The following NETO1 variants were observed in gnomAD, a reference collection of about 807,000 sequenced individuals.
The protein encoded by NETO1 is neuropilin and tolloid-like protein 1.
Under a neutral mutation model 61.3 loss-of-function variants are expected in NETO1, and 26 were observed. That is an observed-to-expected ratio of 0.42 (90% CI 0.31 to 0.59). The LOEUF is 0.59. NETO1 is among the 20% of genes least tolerant of loss of function. The pLI is 0.12. For synonymous variants in NETO1, 225 were observed against 225.8 expected, an observed-to-expected ratio of 1.00 and a Z score of 0.03; for missense variants, 531 against 662.8, an observed-to-expected ratio of 0.80 and a Z score of 2.18.
At chr18:72,826,662 T>A (rs1342968151) in intron 4 of NETO1, among the ~76,000 whole-genome samples, 1 of 152,222 alleles carries the variant, frequency 6.6e-6, no homozygotes, top group Non-Finnish European at 1.5e-5. Context: ...AGGTTCACTG[T>A]GTGCTGGTGA....
intron 9 of NETO1, 75 bp from the exon 10 acceptor site, chr18:72,749,163 A>G: frequency 1.1e-6 from 1 of 910,070 alleles, no homozygotes. Context: ...ATTTACTCAA[A>G]AGCATTTTTA....
chr18:72,775,779 T>C (rs919507384), intron 7 of NETO1, among the ~76,000 whole-genome samples: 1 of 152,174 alleles, frequency 6.6e-6, no homozygotes, highest in Non-Finnish European at 1.5e-5. Flanking sequence ...AATTCTTGCC[T>C]CAGTTCTGTT....
At chr18:72,752,940 G>A (rs1165577171) in intron 8 of NETO1, among the ~76,000 whole-genome samples, 1 of 151,992 alleles carries the variant, frequency 6.6e-6, no homozygotes, top group Admixed American at 6.6e-5. Context: ...TAAAGACAGA[G>A]GCATGCGAAT....
At chr18:72,838,657 T>C (rs6566668) in intron 4 of NETO1, among the ~76,000 whole-genome samples, 146,192 of 152,234 alleles carry the variant, frequency 0.96, 70,284 homozygotes, top group Non-Finnish European at 0.99. Context: ...TGAACTCTCT[T>C]GTTGCACTGT....
rs1412013789 is a variant in NETO1, at chr18:72,830,492, T to C, written c.469+28334A>G. The stretch of plus-strand genomic sequence containing the variant: ...AAGGAGTCCAAAAAACAAACACAAA[T>C]GACAAAAATAACAATGATCATAAGG... On this transcript the variant is annotated intron_variant, in intron 4 of 10. Transcript: ENST00000327305. This position sits in a 1 kb window ranked among gnomAD's most constrained non-coding sequence, Gnocchi z 4.9. Among the ~76,000 whole-genome samples, 1 of 151,966 alleles carries C rather than the reference T, an allele frequency of 6.6e-6. No homozygotes were observed. The highest frequency in any genetic ancestry group is 2.4e-5 in the African/African-American group (1 of 41,392).
chr18:72,789,450 T>C (rs147236285), intron 6 of NETO1, among the ~76,000 whole-genome samples: 50 of 152,332 alleles, frequency 3.3e-4, no homozygotes, highest in African/African-American at 1.1e-3. Context: ...TCAAATTTTA[T>C]TCTTACTTTT....
At chr18:72,806,259 G>C (rs2072671431) in intron 4 of NETO1, among the ~76,000 whole-genome samples, 1 of 152,206 alleles carries the variant, frequency 6.6e-6, no homozygotes, top group East Asian at 1.9e-4. Context: ...TTGGGTGTGG[G>C]AAGTGAAGGA....
chr18:72,791,357 T>C (rs1019782447), intron 6 of NETO1, among the ~76,000 whole-genome samples: 1 of 152,336 alleles, frequency 6.6e-6, no homozygotes, highest in Admixed American at 6.5e-5. Flanking sequence ...GTTTAACTTG[T>C]GCTTTGATAG....
chr18:72,787,657 G>T (rs540954404), intron 6 of NETO1, among the ~76,000 whole-genome samples: 16 of 152,274 alleles, frequency 1.1e-4, no homozygotes, highest in Admixed American at 3.9e-4. Context: ...ATAGATACTT[G>T]TTATAATCAT....
intron 4 of NETO1, among the ~76,000 whole-genome samples, chr18:72,858,352 C>T (rs983292116): frequency 2.6e-5 from 4 of 152,110 alleles, no homozygotes; most frequent in African/African-American, 9.7e-5. Flanking sequence ...AATTTGCTTT[C>T]CTGAAAAGAG....
At chr18:72,866,407 T>C (rs1324212422) in intron 1 of NETO1, among the ~76,000 whole-genome samples, 2 of 152,198 alleles carry the variant, frequency 1.3e-5, no homozygotes, top group Non-Finnish European at 2.9e-5. Flanking sequence ...GCTGCTGTTG[T>C]TACTGTGTGT....
intron 4 of NETO1, chr18:72,834,632 A>C: frequency 1.0e-6 from 1 of 983,806 alleles, no homozygotes; most frequent in Non-Finnish European, 1.2e-6. Flanking sequence ...TATGTTTATA[A>C]TTACTTAATT....
chr18:72,861,860 T>C (rs2074582214), intron 3 of NETO1, among the ~76,000 whole-genome samples: 1 of 152,202 alleles, frequency 6.6e-6, no homozygotes, highest in African/African-American at 2.4e-5. Flanking sequence ...ACTATGCCAA[T>C]GGGAGTGCTC....
chr18:72,776,453 G>T (rs775274301), intron 7 of NETO1, among the ~76,000 whole-genome samples: 17 of 152,262 alleles, frequency 1.1e-4, no homozygotes, highest in Non-Finnish European at 2.1e-4. Context: ...CATGCTCTTA[G>T]TCCATTTGCG....
chr18:72,776,095 GAGA>G (rs2071537247), intron 7 of NETO1, among the ~76,000 whole-genome samples: 1 of 152,192 alleles, frequency 6.6e-6, no homozygotes, highest in Non-Finnish European at 1.5e-5. Flanking sequence ...TCTACAGGCT[GAGA>G]AGTTCAAGGG....
chr18:72,848,386 C>A (rs901348225), intron 4 of NETO1, among the ~76,000 whole-genome samples: 1 of 152,058 alleles, frequency 6.6e-6, no homozygotes, highest in Non-Finnish European at 1.5e-5. Context: ...CACATCACAC[C>A]ATCTACATCA....
intron 1 of NETO1, 170 bp downstream of exon 1, chr18:72,867,094 C>G (rs977306973): frequency 5.9e-6 from 3 of 504,848 alleles, no homozygotes; most frequent in Non-Finnish European, 6.6e-6. Flanking sequence ...CGCCCCCACG[C>G]CCGGTTCCAC....
intron 6 of NETO1, among the ~76,000 whole-genome samples, chr18:72,787,775 C>A (rs2071971327): frequency 6.6e-6 from 1 of 152,106 alleles, no homozygotes; most frequent in Non-Finnish European, 1.5e-5. Context: ...GTGCCTAACA[C>A]CCGGATACTC....
chr18:72,848,376 C>T (rs1399029735), intron 4 of NETO1, among the ~76,000 whole-genome samples: 1 of 152,052 alleles, frequency 6.6e-6, no homozygotes, highest in Admixed American at 6.6e-5. Context: ...TCAAAAGTCC[C>T]ACATCACACC....
Sources: gnomAD v4.1 joint callset for allele counts (sites outside exome capture counted in the v4.1 genomes callset) on GRCh38, gnomAD v4.1.1 for gene constraint, Gnocchi (gnomAD v3.1) non-coding constraint, MANE v1.5 for transcripts, NCBI Gene and HGNC (gene_info 2026-07-23, HGNC 2026-07-21) for gene names.